The following URB1 variants were observed in gnomAD, a reference collection of about 807,000 sequenced individuals.
URB1 encodes nucleolar pre-ribosomal-associated protein 1.
Under a neutral mutation model 242.3 loss-of-function variants are expected in URB1, and 197 were observed. The observed-to-expected ratio is 0.81, with a 90% CI of 0.72 to 0.91. The LOEUF is 0.91. URB1 is among the 40% of genes least tolerant of loss of function. URB1 has a pLI of 0.00. For missense variants in URB1, 2,721 were observed against 2,860.5 expected, an observed-to-expected ratio of 0.95 and a Z score of 1.11; for synonymous variants, 1,153 against 1,201.8, an observed-to-expected ratio of 0.96 and a Z score of 0.84.
intron 18 of URB1, among the ~76,000 whole-genome samples, chr21:32,353,601 AG>A (rs1322224845): frequency 1.3e-5 from 2 of 152,218 alleles, no homozygotes; most frequent in African/African-American, 4.8e-5. Flanking sequence ...AAATCCAACA[AG>A]TATGAAGGAT....
chr21:32,326,699 G>A (rs2032833721), intron 30 of URB1, among the ~76,000 whole-genome samples: 1 of 152,154 alleles, frequency 6.6e-6, no homozygotes, highest in Non-Finnish European at 1.5e-5. Context: ...TCCTGCTCTG[G>A]CATGTAAGAT....
At position 32,312,686 on chromosome 21, in the gene URB1, G is replaced by T. The variant is rs951622724; in HGVS notation, c.*2232C>A. 1.3e-5 allele frequency: 2 copies of T among 156,492 alleles called. No homozygotes were observed. Among genetic ancestry groups the T allele is most frequent in the African/African-American group, 4.8e-5 (2 of 41,466 alleles). 9.7% of individuals were successfully genotyped at this position (156,492 alleles called of 1,614,324 possible). ...CTGGATGTGACTTTATGTGACAGTG[G>T]ATCTGGGACCCTTGAAAGATCTAGT... On this transcript the variant is annotated 3_prime_UTR_variant, in exon 39 of 39. Transcript: ENST00000382751.
chr21:32,341,557 A>C (rs761105374), intron 24 of URB1, 33 bp from the exon 25 acceptor site: 7 of 1,544,206 alleles, frequency 4.5e-6, no homozygotes, highest in Non-Finnish European at 6.1e-6. Context: ...AAACACATGA[A>C]ACATCTCAGT....
rs908406515 is a variant in URB1, at chr21:32,346,950, C to T, written c.3868+6G>A. 7 of 1,496,146 alleles carry T rather than the reference C, an allele frequency of 4.7e-6. No homozygotes were observed. The highest frequency in any genetic ancestry group is 4.3e-5 in the Admixed American group (2 of 46,706). The allele number at this position is 1,496,146 out of a possible 1,614,324, so 92.7% of individuals were successfully genotyped here. On this transcript the variant is annotated splice_donor_region_variant and intron_variant, in intron 22 of 38. Coordinates refer to ENST00000382751, the MANE Select transcript of URB1 (RefSeq NM_014825.3). Reference sequence around the variant, plus strand: ...CCCAGCTGCCCAAAGCTAGCCTTTCCCTTACCTCCTGCTGGGCGTGTGAAG... The same window carrying T: ...CCCAGCTGCCCAAAGCTAGCCTTTCTCTTACCTCCTGCTGGGCGTGTGAAG...
In URB1 at chr21:32,316,735, A is replaced by G; in HGVS notation, c.6365T>C (p.Ile2122Thr). The change falls in exon 38 of 39, where the codon ATT becomes ACT. Residue 2122 changes from isoleucine (I) to threonine (T), a missense_variant. By Grantham distance (89) the Ile-to-Thr change is moderately conservative. Coordinates refer to ENST00000382751, the MANE Select transcript of URB1 (RefSeq NM_014825.3). ...CAAAATATGGCTCTTAAGCCAGCCA[A>G]TGAGTCCTGCAGCCTCTGCCCTGCT... Reference protein sequence around the residue: ...PLSRAEAAGLIGWLKSHILPH... With the variant: ...PLSRAEAAGLTGWLKSHILPH... The G allele has an allele frequency of 6.4e-7, 1 of 1,551,360 alleles. No individual in the cohort carries two copies. Among genetic ancestry groups the G allele is most frequent in the Non-Finnish European group, 8.7e-7 (1 of 1,146,932 alleles).
Position 32,316,447 on chromosome 21 carries a change from A to C in URB1, c.6634+19T>G, listed in dbSNP as rs929524155. 29 of 1,473,746 alleles carry C rather than the reference A, an allele frequency of 2.0e-5. No homozygotes were observed. The highest frequency in any genetic ancestry group is 2.5e-5 in the Non-Finnish European group (28 of 1,110,264). 91.3% of individuals were successfully genotyped at this position (1,473,746 alleles called of 1,614,324 possible). ...TCTGCATCTATTTCTTCAGCCTCCA[A>C]CAAAAGAACCAGCCTTACCTTGTGT... On this transcript the variant is annotated intron_variant, in intron 38 of 38. Transcript: ENST00000382751.
chr21:32,368,581 A>T lies in URB1; in HGVS notation c.1019T>A (p.Leu340His). 2 of 1,550,820 alleles carry T rather than the reference A, an allele frequency of 1.3e-6. No individual in the cohort carries two copies. Among genetic ancestry groups the T allele is most frequent in the Non-Finnish European group, 1.7e-6 (2 of 1,146,674 alleles). Residue 340 changes from leucine to histidine, a missense_variant, in exon 9 of 39, where the codon CTC (leucine) becomes CAC (histidine). Coordinates refer to ENST00000382751, the MANE Select transcript of URB1 (RefSeq NM_014825.3). ...GTFGRGGNLTLLHFLLGLKTA... is the reference protein window; with the variant it reads ...GTFGRGGNLTHLHFLLGLKTA... ...TTTCAAACCCAGCAAGAAGTGCAAG[A>T]GTGTCAGGTTTCCGCCTCTGTTAGA...
rs2032637289 is a variant in URB1, at chr21:32,314,023, T to A, written c.*895A>T. ...CCTCTTTGAAGTATAGCTTTAAAAA[T>A]TACAGGCTGTCTTCTCAAAGCAGAG... is the stretch of plus-strand genomic sequence containing the variant. On this transcript the variant is annotated 3_prime_UTR_variant, in exon 39 of 39. Coordinates refer to ENST00000382751, the MANE Select transcript of URB1 (RefSeq NM_014825.3). 1 of 154,054 alleles carries A rather than the reference T, an allele frequency of 6.5e-6. No homozygotes were observed. The highest frequency in any genetic ancestry group is 1.4e-5 in the Non-Finnish European group (1 of 69,318). 9.5% of individuals were successfully genotyped at this position (154,054 alleles called of 1,614,324 possible).
chr21:32,316,864 G>A lies in URB1; in HGVS notation c.6236C>T (p.Pro2079Leu). The change falls in exon 38 of 39, where the codon CCT (proline) becomes CTT (leucine). Residue 2079 changes from proline (P) to leucine (L), a missense_variant. By Grantham distance (98) the Pro-to-Leu change is moderately conservative. Transcript: ENST00000382751. ...GCTCTCGGGGCTGGCTGAGTCCACA[G>A]GCTCCTGAGTGGGGTCAGGACCAGG... ...VIPGPDPTQE[P>L]VDSASPESDA... 1 of 1,550,936 alleles carries A rather than the reference G, an allele frequency of 6.4e-7. No individual in the cohort carries two copies. Among genetic ancestry groups the A allele is most frequent in the Non-Finnish European group, 8.7e-7 (1 of 1,146,608 alleles).
At chr21:32,337,002 A>G in intron 28 of URB1, 92 bp downstream of exon 28, 1 of 1,309,532 alleles carries the variant, frequency 7.6e-7, no homozygotes, top group Non-Finnish European at 1.1e-6. Context: ...GAGAACCAAA[A>G]TGGAATGAGA....
rs2033129689 is a variant in URB1 at position 32,349,359 on chromosome 21, G to C, written c.2957C>G (p.Ala986Gly). Reference sequence around the variant, plus strand: ...GGACTCCATGTCCAGGAAGAGGTCGGCTTCGGCCCGGGCGGCCTCGCATCT... The same window carrying C: ...GGACTCCATGTCCAGGAAGAGGTCGCCTTCGGCCCGGGCGGCCTCGCATCT... ...QQRCEAARAE[A>G]DLFLDMESVA... The change falls in exon 21 of 39, where the codon GCC becomes GGC. Residue 986 changes from alanine to glycine, a missense_variant. By Grantham distance (60) the Ala-to-Gly change is moderately conservative. Coordinates refer to ENST00000382751, the MANE Select transcript of URB1 (RefSeq NM_014825.3). The C allele has an allele frequency of 6.4e-6, 10 of 1,551,372 alleles. No individual in the cohort carries two copies. The highest frequency in any genetic ancestry group is 8.7e-6 in the Non-Finnish European group (10 of 1,146,924).
intron 5 of URB1, among the ~76,000 whole-genome samples, 176 bp downstream of exon 5, chr21:32,378,266 CAAA>C (rs1433222607): frequency 3.3e-5 from 5 of 152,174 alleles, no homozygotes; most frequent in Non-Finnish European, 5.9e-5. Flanking sequence ...CCAGTGATAT[CAAA>C]ATGGTACTGA....
intron 16 of URB1, 111 bp from the exon 17 acceptor site, chr21:32,355,108 T>C (rs2033204380): frequency 1.5e-6 from 2 of 1,300,984 alleles, no homozygotes; most frequent in East Asian, 2.6e-5. Flanking sequence ...GTTCAATCCT[T>C]AATTAGAATA....
intron 20 of URB1, among the ~76,000 whole-genome samples, chr21:32,349,989 G>A (rs2033138878): frequency 6.6e-6 from 1 of 152,062 alleles, no homozygotes; most frequent in African/African-American, 2.4e-5. Context: ...CAGCTACTAG[G>A]GAGGCTGACG....
At position 32,320,588 on chromosome 21, in the gene URB1, T is replaced by A. The variant is rs766546311; in HGVS notation, c.5537A>T (p.Tyr1846Phe). The A allele has an allele frequency of 1.9e-6, 3 of 1,551,964 alleles. No homozygotes were observed. The South Asian group carries it at 3.6e-5, about 18-fold the overall frequency. The change falls in exon 35 of 39, where the codon TAT (tyrosine) becomes TTT (phenylalanine). Residue 1846 changes from tyrosine to phenylalanine, a missense_variant. By Grantham distance (22) the Tyr-to-Phe change is conservative. Transcript: ENST00000382751. ...AAGGCTATAGTCTCGTATGATTTCATACGCAGATCTGGCAACCTGGGCAGC... is the reference window on the plus strand; with the variant it reads ...AAGGCTATAGTCTCGTATGATTTCAAACGCAGATCTGGCAACCTGGGCAGC... ...QNAAQVARSAYEIIRDYSLLT... is the reference protein window; with the variant it reads ...QNAAQVARSAFEIIRDYSLLT...
intron 10 of URB1, among the ~76,000 whole-genome samples, chr21:32,365,939 G>T (rs1354191167): frequency 6.6e-6 from 1 of 152,188 alleles, no homozygotes; most frequent in African/African-American, 2.4e-5. Context: ...GGCAACTTGG[G>T]GTTAGGAGGC....
At chr21:32,330,302 T>C (rs1187048017) in intron 30 of URB1, among the ~76,000 whole-genome samples, 2 of 151,050 alleles carry the variant, frequency 1.3e-5, no homozygotes, top group East Asian at 3.9e-4. Context: ...AATTTTTGAC[T>C]ATTGCAATTC....
At position 32,333,307 on chromosome 21, in the gene URB1, C is replaced by T; in HGVS notation, c.4960+10G>A. On this transcript the variant is annotated intron_variant, in intron 30 of 38. Coordinates refer to ENST00000382751, the MANE Select transcript of URB1 (RefSeq NM_014825.3). The stretch of plus-strand genomic sequence containing the variant: ...TAGCAAGCCCTGACCCAAGAGAAGA[C>T]TGCAGTTACCTGGCCTGGTCAGCTC... 6.4e-7 allele frequency: 1 copy of T among 1,551,552 alleles called. No homozygotes were observed. Among genetic ancestry groups the T allele is most frequent in the Non-Finnish European group, 8.7e-7 (1 of 1,146,710 alleles).
chr21:32,392,963 G>A lies in URB1; in HGVS notation c.-53C>T, dbSNP rs2033657833. 1 of 1,444,274 alleles carries A rather than the reference G, an allele frequency of 6.9e-7. No individual in the cohort carries two copies. 89.5% of individuals were successfully genotyped at this position (1,444,274 alleles called of 1,614,324 possible). ...ACGACACACCTGAGGGGACCCGGCA[G>A]GAGCACTGGCACAGACAGCAGACAC... On this transcript the variant is annotated 5_prime_UTR_variant, in exon 1 of 39. Coordinates refer to ENST00000382751, the MANE Select transcript of URB1 (RefSeq NM_014825.3).
Sources: gnomAD v4.1 joint callset for allele counts (sites outside exome capture counted in the v4.1 genomes callset) on GRCh38, gnomAD v4.1.1 for gene constraint, MANE v1.5 for transcripts, NCBI Gene and HGNC (gene_info 2026-07-23, HGNC 2026-07-21) for gene names.